PPP3CA: variants seen among roughly 807,000 people sequenced by gnomAD.
PPP3CA encodes CAM-PRP catalytic subunit.
Under a neutral mutation model 66.5 loss-of-function variants are expected in PPP3CA, and 14 were observed. That is an observed-to-expected ratio of 0.21 (90% CI 0.14 to 0.33). The LOEUF (loss-of-function observed/expected upper bound fraction) is 0.33. Among genes scored for constraint, PPP3CA ranks in the 10% least tolerant of loss-of-function variants. The pLI is 1.00. For synonymous variants in PPP3CA, 232 were observed against 226.2 expected (o/e 1.03, Z -0.23); for missense variants, 317 against 639.5 (o/e 0.50, Z 5.44).
chr4:101,074,334 G>A (rs1729053178), intron 8 of PPP3CA, among the ~76,000 whole-genome samples: 1 of 145,038 alleles, frequency 6.9e-6, no homozygotes, highest in African/African-American at 2.9e-5. Context: ...TCTGAATTTG[G>A]CTTGTGAACC....
chr4:101,211,159 G>C (rs1448183016), intron 1 of PPP3CA, among the ~76,000 whole-genome samples: 2 of 152,026 alleles, frequency 1.3e-5, no homozygotes, highest in Non-Finnish European at 2.9e-5. Context: ...CAGCAAATAA[G>C]CAGGGGAAGC....
intron 1 of PPP3CA, among the ~76,000 whole-genome samples, chr4:101,317,622 T>C (rs1034477985): frequency 6.6e-6 from 1 of 152,228 alleles, no homozygotes; most frequent in Non-Finnish European, 1.5e-5. Context: ...TTACTTGTCA[T>C]ACCAAAAACT....
intron 8 of PPP3CA, among the ~76,000 whole-genome samples, chr4:101,068,473 G>GT (rs1379574928): frequency 4.2e-4 from 62 of 147,174 alleles, no homozygotes; most frequent in African/African-American, 1.5e-3. Context: ...TGCATGCAGG[G>GT]GTTTTTTTAA....
At chr4:101,205,532 C>G (rs1725104917) in intron 1 of PPP3CA, among the ~76,000 whole-genome samples, 1 of 151,714 alleles carries the variant, frequency 6.6e-6, no homozygotes. Flanking sequence ...TAGTACTTGC[C>G]TTCTTAGTCC....
intron 1 of PPP3CA, among the ~76,000 whole-genome samples, chr4:101,305,675 G>C (rs1728511864): frequency 1.3e-5 from 2 of 152,038 alleles, no homozygotes; most frequent in Admixed American, 1.3e-4. Context: ...AATTGAATGA[G>C]AGTTATAATA....
chr4:101,142,221 A>C (rs1228107532), intron 2 of PPP3CA, among the ~76,000 whole-genome samples: 1 of 152,212 alleles, frequency 6.6e-6, no homozygotes, highest in Non-Finnish European at 1.5e-5. Flanking sequence ...ATCTGTACAG[A>C]AGTAAGCATT....
intron 10 of PPP3CA, among the ~76,000 whole-genome samples, chr4:101,052,524 C>T (rs753947360): frequency 2.0e-5 from 3 of 151,242 alleles, no homozygotes; most frequent in Non-Finnish European, 4.4e-5. Context: ...TAAAGACAAA[C>T]GATTTAGCTT....
intron 1 of PPP3CA, among the ~76,000 whole-genome samples, chr4:101,206,768 C>T (rs1247918593): frequency 1.3e-5 from 2 of 152,170 alleles, no homozygotes; most frequent in Non-Finnish European, 2.9e-5. Context: ...TTATTTAATA[C>T]TTCTGTGGTA....
In PPP3CA at chr4:101,127,191, C is replaced by A. The variant is rs949000751; in HGVS notation, c.260-18113G>T. On this transcript the variant is annotated intron_variant, in intron 2 of 13. Transcript: ENST00000394854. ...GTTAGATCTTCCACCTCACCCCCAACTCCATTAGTGCCCTCTGCTTGCTTC... is the reference window on the plus strand; with the variant it reads ...GTTAGATCTTCCACCTCACCCCCAAATCCATTAGTGCCCTCTGCTTGCTTC... 2.6e-5 allele frequency among the ~76,000 whole-genome samples: 4 copies of A among 151,954 alleles called. No homozygotes were observed. In the South Asian group the frequency reaches 8.3e-4, roughly 32 times the overall value.
intron 1 of PPP3CA, among the ~76,000 whole-genome samples, chr4:101,238,056 C>G (rs1228298841): frequency 3.3e-5 from 5 of 151,984 alleles, no homozygotes; most frequent in African/African-American, 1.2e-4. Context: ...TCCAATAAAC[C>G]TACTGCACAC....
At chr4:101,135,789 G>A (rs80009861) in intron 2 of PPP3CA, among the ~76,000 whole-genome samples, 5 of 152,224 alleles carry the variant, frequency 3.3e-5, no homozygotes, top group East Asian at 1.9e-4. Flanking sequence ...ACACCAAGTC[G>A]TTATTTTTAT....
intron 1 of PPP3CA, among the ~76,000 whole-genome samples, chr4:101,239,292 C>G (rs900703471): frequency 1.3e-5 from 2 of 152,102 alleles, no homozygotes; most frequent in Non-Finnish European, 2.9e-5. Context: ...TTGGTTTAAT[C>G]TTATTCCAAA....
At chr4:101,098,601 T>C in intron 4 of PPP3CA, 89 bp from the exon 5 acceptor site, 1 of 1,252,596 alleles carries the variant, frequency 8.0e-7, no homozygotes, top group Non-Finnish European at 1.1e-6. Flanking sequence ...GTTTTCTTGC[T>C]AGGACCCTAT....
chr4:101,207,061 A>G (rs1249129450), intron 1 of PPP3CA, among the ~76,000 whole-genome samples: 1 of 152,206 alleles, frequency 6.6e-6, no homozygotes, highest in African/African-American at 2.4e-5. Context: ...AAAAATTGCA[A>G]ACATTTTGAA....
intron 1 of PPP3CA, among the ~76,000 whole-genome samples, chr4:101,234,531 T>G (rs1726066222): frequency 6.6e-6 from 1 of 151,912 alleles, no homozygotes; most frequent in African/African-American, 2.4e-5. Flanking sequence ...CATGTATGTC[T>G]TCTTTAGAAA....
chr4:101,172,729 A>AG (rs1339387244), intron 2 of PPP3CA, among the ~76,000 whole-genome samples: 3 of 152,118 alleles, frequency 2.0e-5, no homozygotes, highest in Non-Finnish European at 4.4e-5. Context: ...TTTTTAAATC[A>AG]GGACAAATTC....
At chr4:101,235,109 A>G (rs2110227772) in intron 1 of PPP3CA, among the ~76,000 whole-genome samples, 1 of 151,970 alleles carries the variant, frequency 6.6e-6, no homozygotes, top group Non-Finnish European at 1.5e-5. Context: ...TTGAGAGACT[A>G]CTTCAAAATA....
At chr4:101,269,553 C>T (rs1418490008) in intron 1 of PPP3CA, among the ~76,000 whole-genome samples, 5 of 135,978 alleles carry the variant, frequency 3.7e-5, no homozygotes, top group Non-Finnish European at 8.0e-5. Flanking sequence ...AAACAAGGAA[C>T]GTGTGTGTGT....
chr4:101,137,899 AC>A (rs1722675100), intron 2 of PPP3CA, among the ~76,000 whole-genome samples: 1 of 151,184 alleles, frequency 6.6e-6, no homozygotes, highest in Non-Finnish European at 1.5e-5. Context: ...AAAAAAAAAA[AC>A]CTTCCACACA....
Sources: allele counts gnomAD v4.1 joint callset (sites outside exome capture counted in the v4.1 genomes callset), GRCh38; gene constraint gnomAD v4.1.1; transcripts MANE v1.5; gene names NCBI Gene and HGNC (gene_info 2026-07-23, HGNC 2026-07-21).